Variants in DNAI7 observed in about 807,000 individuals in gnomAD.
DNAI7 encodes dynein axonemal intermediate chain 7.
In DNAI7, 78 loss-of-function variants were observed where a neutral mutation model predicts 86.6. The ratio of observed to expected loss-of-function variants is 0.90; its 90% confidence interval spans 0.75 to 1.09. DNAI7 has a LOEUF of 1.09. Among genes scored for constraint, DNAI7 ranks in the 50% least tolerant of loss-of-function variants. The pLI is 0.00. For synonymous variants in DNAI7, 274 were observed against 273.0 expected, an observed-to-expected ratio of 1.00 and a Z score of -0.04; for missense variants, 753 against 810.2, an observed-to-expected ratio of 0.93 and a Z score of 0.86.
chr12:25,169,880 G>T (rs1277994174), intron 2 of DNAI7, among the ~76,000 whole-genome samples: 1 of 149,408 alleles, frequency 6.7e-6, no homozygotes, highest in Non-Finnish European at 1.5e-5. Context: ...AAAAGATACA[G>T]AACCACAGAT....
chr12:25,188,929 C>T (rs1490992636), intron 2 of DNAI7, among the ~76,000 whole-genome samples: 2 of 152,038 alleles, frequency 1.3e-5, no homozygotes, highest in African/African-American at 4.8e-5. Flanking sequence ...ACACACAGGC[C>T]CTCCAGAATG....
intron 9 of DNAI7, among the ~76,000 whole-genome samples, chr12:25,128,590 C>A (rs1942454585): frequency 6.6e-6 from 1 of 152,148 alleles, no homozygotes; most frequent in Admixed American, 6.6e-5. Context: ...CAAACTTACC[C>A]AAACAGAACT....
intron 9 of DNAI7, among the ~76,000 whole-genome samples, chr12:25,123,760 T>C (rs1173620788): frequency 6.6e-6 from 1 of 152,188 alleles, no homozygotes; most frequent in Non-Finnish European, 1.5e-5. Context: ...AAAAATAATC[T>C]AGACTTTATG....
intron 2 of DNAI7, among the ~76,000 whole-genome samples, chr12:25,173,735 GAT>G (rs374876601): frequency 6.6e-6 from 1 of 150,446 alleles, no homozygotes; most frequent in African/African-American, 2.4e-5. Flanking sequence ...GATAAACTGT[GAT>G]ATATATATAT....
intron 2 of DNAI7, among the ~76,000 whole-genome samples, chr12:25,172,053 C>A (rs150655121): frequency 6.6e-6 from 1 of 152,118 alleles, no homozygotes; most frequent in Non-Finnish European, 1.5e-5. Flanking sequence ...AGAACTGGAA[C>A]AAGACAAGGA....
chr12:25,138,392 G>T (rs1943800312), intron 9 of DNAI7, among the ~76,000 whole-genome samples: 1 of 152,282 alleles, frequency 6.6e-6, no homozygotes, highest in East Asian at 1.9e-4. Flanking sequence ...GAACCCAGGA[G>T]GCAGAGGCTG....
chr12:25,125,819 C>T (rs1942048573), intron 9 of DNAI7, among the ~76,000 whole-genome samples: 1 of 152,146 alleles, frequency 6.6e-6, no homozygotes, highest in African/African-American at 2.4e-5. Flanking sequence ...TTTCAATCTT[C>T]TGCATATGGC....
intron 2 of DNAI7, among the ~76,000 whole-genome samples, chr12:25,167,319 A>G (rs958078019): frequency 2.0e-5 from 3 of 151,908 alleles, no homozygotes; most frequent in Non-Finnish European, 4.4e-5. Flanking sequence ...TCCCTTCCCT[A>G]CACATCAAGC....
intron 2 of DNAI7, among the ~76,000 whole-genome samples, chr12:25,164,144 G>A (rs1010235478): frequency 1.4e-4 from 20 of 139,266 alleles, no homozygotes; most frequent in Non-Finnish European, 2.5e-4. Context: ...CCCCTTCTCC[G>A]CTTTTCTGGG....
At chr12:25,153,312 T>C (rs910983178) in intron 6 of DNAI7, among the ~76,000 whole-genome samples, 2 of 152,028 alleles carry the variant, frequency 1.3e-5, no homozygotes, top group African/African-American at 4.8e-5. Context: ...ATTCCAGCTA[T>C]TGGGAGGCTG....
At position 25,154,546 on chromosome 12, in the gene DNAI7, CT is replaced by C. The variant is rs534773940; in HGVS notation, c.301-91del. The C allele has an allele frequency of 4.5e-4, 586 of 1,303,982 alleles. 3 individuals carry two copies. In the South Asian group the frequency reaches 7.4e-3, roughly 16 times the overall value. 80.8% of individuals were successfully genotyped at this position (1,303,982 alleles called of 1,614,324 possible). A position where few individuals can be genotyped will look rare whatever the true frequency, so the allele number is the denominator to read the frequency against. ...TTTTTTGAAGGTGAATTTTTATAACCTAGTTTAACCAACTTAGATAAAAACA... is the reference window on the plus strand; with the variant it reads ...TTTTTTGAAGGTGAATTTTTATAACCAGTTTAACCAACTTAGATAAAAACA... On this transcript the variant is annotated intron_variant, in intron 5 of 15. Transcript: ENST00000395987.
intron 13 of DNAI7, among the ~76,000 whole-genome samples, chr12:25,112,399 G>T (rs982492353): frequency 3.6e-4 from 38 of 104,284 alleles, no homozygotes; most frequent in African/African-American, 1.5e-3. Context: ...TTCACATCTG[G>T]TTTTTTTTTT....
intron 2 of DNAI7, among the ~76,000 whole-genome samples, chr12:25,189,579 T>C (rs966772668): frequency 6.6e-6 from 1 of 152,116 alleles, no homozygotes; most frequent in Non-Finnish European, 1.5e-5. Flanking sequence ...AAGGTGGAAG[T>C]TGCAGTAAGC....
At chr12:25,186,962 C>T (rs1950093530) in intron 2 of DNAI7, among the ~76,000 whole-genome samples, 1 of 152,116 alleles carries the variant, frequency 6.6e-6, no homozygotes, top group Non-Finnish European at 1.5e-5. Flanking sequence ...TGATGGATTC[C>T]TAAAGGGTAC....
intron 2 of DNAI7, among the ~76,000 whole-genome samples, chr12:25,179,306 G>A (rs1209034156): frequency 6.6e-6 from 1 of 152,124 alleles, no homozygotes; most frequent in African/African-American, 2.4e-5. Flanking sequence ...AATTTTGGGG[G>A]AAAATGTTTG....
intron 2 of DNAI7, among the ~76,000 whole-genome samples, chr12:25,175,506 C>T (rs1203547981): frequency 6.6e-6 from 1 of 152,006 alleles, no homozygotes; most frequent in African/African-American, 2.4e-5. Context: ...GCCGCCACTC[C>T]AGGCTAATTT....
chr12:25,161,929 C>T (rs975652757), intron 2 of DNAI7, among the ~76,000 whole-genome samples: 2 of 152,108 alleles, frequency 1.3e-5, no homozygotes, highest in Non-Finnish European at 1.5e-5. Context: ...TTGAGAAGGG[C>T]TGTGGCTATA....
At chr12:25,156,084 A>G (rs1388321577) in intron 4 of DNAI7, among the ~76,000 whole-genome samples, 2 of 149,700 alleles carry the variant, frequency 1.3e-5, no homozygotes, top group Non-Finnish European at 3.0e-5. Context: ...AGCCTGGATG[A>G]CAGGGCAAGA....
At chr12:25,182,605 T>TACACACACACAC (rs71065917) in intron 2 of DNAI7, among the ~76,000 whole-genome samples, 13,514 of 131,984 alleles carry the variant, frequency 0.1, 885 homozygotes, top group South Asian at 0.16. Flanking sequence ...TGAGACTGTC[T>TACACACACACAC]ACACACACAC....
Sources: gnomAD v4.1 joint callset for allele counts (sites outside exome capture counted in the v4.1 genomes callset) on GRCh38, gnomAD v4.1.1 for gene constraint, MANE v1.5 for transcripts, NCBI Gene and HGNC (gene_info 2026-07-23, HGNC 2026-07-21) for gene names.